SH3GL2: variants seen among roughly 807,000 people sequenced by gnomAD.
SH3GL2 encodes the protein SH3 domain containing GRB2 like 2, endophilin A1.
SH3GL2 carries 24 observed loss-of-function variants against 46.0 expected under a neutral mutation model. The ratio of observed to expected loss-of-function variants is 0.52; its 90% CI spans 0.38 to 0.73. The LOEUF is 0.73. SH3GL2 is among the 30% of genes least tolerant of loss of function. The pLI, the probability that SH3GL2 is intolerant of heterozygous loss-of-function variation, is 0.00. For missense variants in SH3GL2, 413 were observed against 424.2 expected, an observed-to-expected ratio of 0.97 and a Z score of 0.23; for synonymous variants, 196 against 147.1, an observed-to-expected ratio of 1.33 and a Z score of -2.40.
At chr9:17,763,274 C>G (rs1161492898) in intron 3 of SH3GL2, among the ~76,000 whole-genome samples, 1 of 152,114 alleles carries the variant, frequency 6.6e-6, no homozygotes, top group Non-Finnish European at 1.5e-5. Flanking sequence ...TGGTGGGTTG[C>G]ATTGTGTGTC....
intron 1 of SH3GL2, 147 bp from the exon 2 acceptor site, chr9:17,746,919 G>A: frequency 1.7e-6 from 1 of 599,766 alleles, no homozygotes; most frequent in Non-Finnish European, 2.9e-6. Flanking sequence ...GCCACAGTTT[G>A]CTGCTATAAA....
chr9:17,636,948 T>A (rs562355380), intron 1 of SH3GL2, among the ~76,000 whole-genome samples: 3,736 of 152,282 alleles, frequency 0.025, 67 homozygotes, highest in Middle Eastern at 0.058. Flanking sequence ...ATGTGTGATG[T>A]GTTGTTATTG....
intron 1 of SH3GL2, among the ~76,000 whole-genome samples, chr9:17,609,661 C>T (rs578190340): frequency 2.0e-5 from 3 of 152,132 alleles, no homozygotes; most frequent in South Asian, 2.1e-4. Context: ...CAACGTGAAA[C>T]GTTTAGATAT....
intron 1 of SH3GL2, among the ~76,000 whole-genome samples, chr9:17,689,305 C>T (rs779363786): frequency 3.3e-5 from 5 of 151,858 alleles, no homozygotes; most frequent in South Asian, 2.1e-4. Flanking sequence ...TAATGAGATA[C>T]GAAAACTAAA....
At chr9:17,680,952 C>G (rs1344357500) in intron 1 of SH3GL2, among the ~76,000 whole-genome samples, 2 of 152,126 alleles carry the variant, frequency 1.3e-5, no homozygotes, top group East Asian at 3.9e-4. Flanking sequence ...GAGTGAGTTT[C>G]TTAATCCTGA....
chr9:17,736,311 G>C (rs184953412), intron 1 of SH3GL2, among the ~76,000 whole-genome samples: 1 of 152,146 alleles, frequency 6.6e-6, no homozygotes, highest in East Asian at 1.9e-4. Context: ...CCTCAGACAG[G>C]AATCCATCTT....
chr9:17,656,421 C>G (rs532954595), intron 1 of SH3GL2, among the ~76,000 whole-genome samples: 1 of 151,640 alleles, frequency 6.6e-6, no homozygotes, highest in African/African-American at 2.4e-5. Flanking sequence ...GACGAGAGTT[C>G]CATAATTGAA....
chr9:17,705,830 C>T (rs1363218693), intron 1 of SH3GL2, among the ~76,000 whole-genome samples: 1 of 151,794 alleles, frequency 6.6e-6, no homozygotes. Context: ...GGGTGAGGGT[C>T]GTAAAACTAC....
At chr9:17,639,233 T>C (rs1202285589) in intron 1 of SH3GL2, among the ~76,000 whole-genome samples, 2 of 152,222 alleles carry the variant, frequency 1.3e-5, no homozygotes, top group Non-Finnish European at 2.9e-5. Flanking sequence ...ATTTAAAACT[T>C]TTGTTCTTTG....
chr9:17,592,420 A>G (rs1400894326), intron 1 of SH3GL2, among the ~76,000 whole-genome samples: 2 of 152,222 alleles, frequency 1.3e-5, no homozygotes, highest in East Asian at 1.9e-4. Context: ...ATTAATCATC[A>G]CACTGACTTA....
chr9:17,632,890 C>T (rs576852183), intron 1 of SH3GL2, among the ~76,000 whole-genome samples: 1 of 152,154 alleles, frequency 6.6e-6, no homozygotes, highest in Admixed American at 6.5e-5. Context: ...AAACAGGTAA[C>T]GGATTGTGGT....
At chr9:17,667,128 T>A (rs7856894) in intron 1 of SH3GL2, among the ~76,000 whole-genome samples, 80,622 of 151,904 alleles carry the variant, frequency 0.53, 22,715 homozygotes, top group African/African-American at 0.7. Flanking sequence ...GGTATATATT[T>A]TTAGTGTTAT....
chr9:17,597,457 C>T (rs1454454617), intron 1 of SH3GL2, among the ~76,000 whole-genome samples: 1 of 151,448 alleles, frequency 6.6e-6, no homozygotes, highest in African/African-American at 2.4e-5. Context: ...GTGGAGGTTG[C>T]AGTGAGCCAA....
intron 1 of SH3GL2, among the ~76,000 whole-genome samples, chr9:17,585,841 A>C (rs1331312820): frequency 6.6e-6 from 1 of 152,146 alleles, no homozygotes; most frequent in Non-Finnish European, 1.5e-5. Context: ...TGTGGGAATG[A>C]ATGTTGAGGC....
chr9:17,735,216 A>C (rs1385517149), intron 1 of SH3GL2, among the ~76,000 whole-genome samples: 1 of 152,084 alleles, frequency 6.6e-6, no homozygotes, highest in South Asian at 2.1e-4. Context: ...CCTACCACTC[A>C]CTGGCAGATG....
chr9:17,777,600 T>C (rs1009703346), intron 3 of SH3GL2, among the ~76,000 whole-genome samples: 1 of 152,042 alleles, frequency 6.6e-6, no homozygotes, highest in African/African-American at 2.4e-5. Context: ...CTTGACCATG[T>C]TTTAATTTCT....
rs1821421085 is a variant in SH3GL2, at chr9:17,704,536, C to G, written c.46-42530C>G. ...TCGCATTACCTGACTTCAAATTATG[C>G]TACAGGCTATGGTAACCAAAACAGT... On this transcript the variant is annotated intron_variant, in intron 1 of 8. Transcript: ENST00000380607. 2.6e-5 allele frequency among the ~76,000 whole-genome samples: 4 copies of G among 152,154 alleles called. 1 individual carries two copies. The highest frequency in any genetic ancestry group is 2.6e-4 in the Admixed American group (4 of 15,246).
intron 1 of SH3GL2, among the ~76,000 whole-genome samples, chr9:17,631,615 C>A (rs1356922162): frequency 6.6e-6 from 1 of 152,162 alleles, no homozygotes; most frequent in Non-Finnish European, 1.5e-5. Context: ...GTTGGTGAGT[C>A]AGTGCTTTGA....
intron 2 of SH3GL2, among the ~76,000 whole-genome samples, chr9:17,748,088 C>T (rs1215994930): frequency 6.6e-6 from 1 of 152,164 alleles, no homozygotes; most frequent in Non-Finnish European, 1.5e-5. Context: ...GGTAGGTTCT[C>T]AGCAAGTGAG....
Sources: allele counts gnomAD v4.1 joint callset (sites outside exome capture counted in the v4.1 genomes callset), GRCh38; gene constraint gnomAD v4.1.1; transcripts MANE v1.5; gene names NCBI Gene and HGNC (gene_info 2026-07-23, HGNC 2026-07-21).